Variants in EPS8 observed in about 807,000 individuals in gnomAD.
EPS8 encodes the protein EGFR pathway substrate 8, signaling adaptor.
Under a neutral mutation model 103.8 loss-of-function variants are expected in EPS8, and 42 were observed. The ratio of observed to expected loss-of-function variants is 0.40; its 90% confidence interval spans 0.32 to 0.52. The LOEUF is 0.52. EPS8 is among the 20% of genes least tolerant of loss of function. EPS8 has a pLI of 0.40. For missense variants in EPS8, 969 were observed against 1,005.1 expected, an observed-to-expected ratio of 0.96 and a Z score of 0.49; for synonymous variants, 344 against 344.6, an observed-to-expected ratio of 1.00 and a Z score of 0.02.
chr12:15,643,744 A>AGG (rs1945272546), intron 15 of EPS8, among the ~76,000 whole-genome samples: 1 of 146,784 alleles, frequency 6.8e-6, no homozygotes, highest in Non-Finnish European at 1.5e-5. Flanking sequence ...TGTCTCGAAA[A>AGG]AAAAAAAAAA....
Position 15,714,352 on chromosome 12 carries a change from T to C in EPS8, c.-21-31380A>G, listed in dbSNP as rs1398605465. On this transcript the variant is annotated intron_variant, in intron 1 of 20. Transcript: ENST00000281172. The surrounding 1 kb of genome is among the most constrained non-coding windows in gnomAD (Gnocchi z 4.1). ...ACCAAATTATATTTGAATAAAGATA[T>C]GGCACAGGCTGGGTACAGTGGCTCA... Among the ~76,000 whole-genome samples, 1 of 152,178 alleles carries C rather than the reference T, an allele frequency of 6.6e-6. No homozygotes were observed. The highest frequency in any genetic ancestry group is 1.5e-5 in the Non-Finnish European group (1 of 68,030).
chr12:15,728,425 ACTGGATCCCGACTCATGGAAGGGTCAT>A lies in EPS8; in HGVS notation c.-21-45480_-21-45454del, dbSNP rs1454001361. On this transcript the variant is annotated intron_variant, in intron 1 of 20. Coordinates refer to ENST00000281172, the MANE Select transcript of EPS8 (RefSeq NM_004447.6). The surrounding 1 kb of genome is among the most constrained non-coding windows in gnomAD (Gnocchi z 4.5). ...CTACAGCAGTGGCCCTTTTAAGAAC[ACTGGATCCCGACTCATGGAAGGGTCAT>A]CTGTTCCTCACTACAAAGAACCTTA... is the stretch of plus-strand genomic sequence containing the variant. Among the ~76,000 whole-genome samples, 2 of 152,194 alleles carry A rather than the reference ACTGGATCCCGACTCATGGAAGGGTCAT, an allele frequency of 1.3e-5. No homozygotes were observed. The highest frequency in any genetic ancestry group is 2.9e-5 in the Non-Finnish European group (2 of 68,036).
At chr12:15,681,148 C>T (rs1199547580) in intron 3 of EPS8, 78 bp downstream of exon 3, 2 of 611,840 alleles carry the variant, frequency 3.3e-6, no homozygotes, top group East Asian at 3.2e-5. Flanking sequence ...TGTGTGGGTT[C>T]AAACCATGAG....
rs1947024381 is a variant in EPS8 at position 15,759,994 on chromosome 12, GA to G, written c.-22+29166del. Among the ~76,000 whole-genome samples, 1 of 151,356 alleles carries G rather than the reference GA, an allele frequency of 6.6e-6. No homozygotes were observed. Among genetic ancestry groups the G allele is most frequent in the South Asian group, 2.1e-4 (1 of 4,824 alleles). On this transcript the variant is annotated intron_variant, in intron 1 of 20. Coordinates refer to ENST00000281172, the MANE Select transcript of EPS8 (RefSeq NM_004447.6). This position sits in a 1 kb window ranked among gnomAD's most constrained non-coding sequence, Gnocchi z 4.9. ...CAGAAATAAGAGAAATTAAAAAGAA[GA>G]AAATATAAAAAAAATCAATGAAACT...
intron 1 of EPS8, among the ~76,000 whole-genome samples, chr12:15,782,573 A>G (rs1947271047): frequency 6.6e-6 from 1 of 152,166 alleles, no homozygotes; most frequent in South Asian, 2.1e-4. Context: ...AAAAACATTA[A>G]GAAAAAAGTT....
At position 15,716,115 on chromosome 12, in the gene EPS8, G is replaced by A. The variant is rs934878943; in HGVS notation, c.-21-33143C>T. ...AACATTTCAAAGTATCACTAAACTT[G>A]AGAGCTGAAAGAAATCTGAGAGAGT... On this transcript the variant is annotated intron_variant, in intron 1 of 20. Transcript: ENST00000281172. The surrounding 1 kb of genome is among the most constrained non-coding windows in gnomAD (Gnocchi z 5.0). Among the ~76,000 whole-genome samples the A allele has an allele frequency of 6.6e-6, 1 of 152,110 alleles. No individual in the cohort carries two copies. The highest frequency in any genetic ancestry group is 1.5e-5 in the Non-Finnish European group (1 of 68,020).
At chr12:15,665,655 C>A in intron 8 of EPS8, 101 bp downstream of exon 8, 1 of 1,442,606 alleles carries the variant, frequency 6.9e-7, no homozygotes, top group South Asian at 1.2e-5. Flanking sequence ...AAAAACTAAC[C>A]TCAAGCTTCA....
At chr12:15,649,799 C>T (rs1395648552) in intron 14 of EPS8, among the ~76,000 whole-genome samples, 1 of 152,144 alleles carries the variant, frequency 6.6e-6, no homozygotes, top group Non-Finnish European at 1.5e-5. Flanking sequence ...AAAGCAGTCA[C>T]AGGATATAAT....
In EPS8 at chr12:15,717,984, C is replaced by CA. The variant is rs1565515958; in HGVS notation, c.-21-35013dup. On this transcript the variant is annotated intron_variant, in intron 1 of 20. Coordinates refer to ENST00000281172, the MANE Select transcript of EPS8 (RefSeq NM_004447.6). The surrounding 1 kb of genome is among the most constrained non-coding windows in gnomAD (Gnocchi z 4.3). Reference sequence around the variant, plus strand: ...TTTCAGTTAAAAAGACAGCAAGAAACAAAAAAATTGGTGGAAAAAGTGATT... The same window carrying CA: ...TTTCAGTTAAAAAGACAGCAAGAAACAAAAAAAATTGGTGGAAAAAGTGATT... Among the ~76,000 whole-genome samples, 1 of 152,024 alleles carries CA rather than the reference C, an allele frequency of 6.6e-6. No homozygotes were observed. Among genetic ancestry groups the CA allele is most frequent in the Non-Finnish European group, 1.5e-5 (1 of 67,974 alleles).
chr12:15,715,878 A>G (rs1011345437), intron 1 of EPS8, among the ~76,000 whole-genome samples: 2 of 151,878 alleles, frequency 1.3e-5, no homozygotes, highest in Non-Finnish European at 1.5e-5. Flanking sequence ...ACAGAAGGAC[A>G]TTAGGGAAAA....
At position 15,684,254 on chromosome 12, in the gene EPS8, G is replaced by C. The variant is rs918888915; in HGVS notation, c.-21-1282C>G. The C allele has an allele frequency of 1.3e-5, 2 of 152,130 alleles. No homozygotes were observed. The highest frequency in any genetic ancestry group is 4.8e-5 in the African/African-American group (2 of 41,412). The allele number at this position is 152,130 out of a possible 1,614,324, so 9.4% of individuals were successfully genotyped here. The stretch of plus-strand genomic sequence containing the variant: ...CGAGTTAATTCTGTCTCATTCTTCA[G>C]ATCTCAGTTCAATCACAATGTCCTC... On this transcript the variant is annotated intron_variant, in intron 1 of 20. Coordinates refer to ENST00000281172, the MANE Select transcript of EPS8 (RefSeq NM_004447.6). This position sits in a 1 kb window ranked among gnomAD's most constrained non-coding sequence, Gnocchi z 4.9.
intron 1 of EPS8, chr12:15,732,879 G>T: frequency 3.4e-6 from 1 of 294,578 alleles, no homozygotes; most frequent in Non-Finnish European, 5.0e-6. Context: ...CGGTCATTAT[G>T]CAAGGAACAG....
At position 15,740,528 on chromosome 12, in the gene EPS8, G is replaced by C. The variant is rs961345231; in HGVS notation, c.-22+48633C>G. On this transcript the variant is annotated intron_variant, in intron 1 of 20. Coordinates refer to ENST00000281172, the MANE Select transcript of EPS8 (RefSeq NM_004447.6). ...CCACTACACTCCAGCCTGGGCTACA[G>C]AGCAAGACTCCATCTAGAAAAAATA... Among the ~76,000 whole-genome samples, 4 of 151,760 alleles carry C rather than the reference G, an allele frequency of 2.6e-5. No homozygotes were observed. In the East Asian group the frequency reaches 7.7e-4, roughly 29 times the overall value.
chr12:15,778,906 A>G lies in EPS8; in HGVS notation c.-22+10255T>C, dbSNP rs909213134. Among the ~76,000 whole-genome samples the G allele has an allele frequency of 2.0e-5, 3 of 152,262 alleles. No homozygotes were observed. Among genetic ancestry groups the G allele is most frequent in the African/African-American group, 7.2e-5 (3 of 41,464 alleles). ...AATTTACCAAGTTACTCACAAAATTAATTTCAAGAAATCCAAGTCCCCAAA... is the reference window on the plus strand; with the variant it reads ...AATTTACCAAGTTACTCACAAAATTGATTTCAAGAAATCCAAGTCCCCAAA... On this transcript the variant is annotated intron_variant, in intron 1 of 20. Transcript: ENST00000281172. This position sits in a 1 kb window ranked among gnomAD's most constrained non-coding sequence, Gnocchi z 4.5.
In EPS8 at chr12:15,695,001, A is replaced by G. The variant is rs1286510927; in HGVS notation, c.-21-12029T>C. 6.6e-6 allele frequency among the ~76,000 whole-genome samples: 1 copy of G among 152,170 alleles called. No homozygotes were observed. The highest frequency in any genetic ancestry group is 1.5e-5 in the Non-Finnish European group (1 of 68,012). On this transcript the variant is annotated intron_variant, in intron 1 of 20. Transcript: ENST00000281172. The surrounding 1 kb of genome is among the most constrained non-coding windows in gnomAD (Gnocchi z 5.0). Reference sequence around the variant, plus strand: ...AATAATGCTCATTAAGTATTTTATTATGTCAGCCACTGTGCAAGCACTTTA... The same window carrying G: ...AATAATGCTCATTAAGTATTTTATTGTGTCAGCCACTGTGCAAGCACTTTA...
intron 12 of EPS8, chr12:15,654,513 A>G: frequency 1.8e-6 from 1 of 556,308 alleles, no homozygotes; most frequent in East Asian, 3.1e-5. Context: ...CAATTTAACA[A>G]CTTTCACAGC....
chr12:15,711,898 C>A (rs1946470377), intron 1 of EPS8, among the ~76,000 whole-genome samples: 1 of 152,136 alleles, frequency 6.6e-6, no homozygotes, highest in African/African-American at 2.4e-5. Flanking sequence ...CCACATTTCC[C>A]AAGACCAAAA....
At position 15,759,130 on chromosome 12, in the gene EPS8, T is replaced by G. The variant is rs910678906; in HGVS notation, c.-22+30031A>C. On this transcript the variant is annotated intron_variant, in intron 1 of 20. Transcript: ENST00000281172. The surrounding 1 kb of genome is among the most constrained non-coding windows in gnomAD (Gnocchi z 4.9). ...CAAAATTAGCTTATGTGTTAATATT[T>G]CATAATATGGTATTGTTATATCCCC... 1.3e-5 allele frequency among the ~76,000 whole-genome samples: 2 copies of G among 152,178 alleles called. No homozygotes were observed. Among genetic ancestry groups the G allele is most frequent in the Non-Finnish European group, 2.9e-5 (2 of 68,000 alleles).
intron 1 of EPS8, among the ~76,000 whole-genome samples, chr12:15,743,850 G>A (rs1412487990): frequency 6.6e-6 from 1 of 152,164 alleles, no homozygotes; most frequent in Non-Finnish European, 1.5e-5. Context: ...CATAGGCATG[G>A]GCAAGGACTT....
Sources: allele counts gnomAD v4.1 joint callset (sites outside exome capture counted in the v4.1 genomes callset), GRCh38; gene constraint gnomAD v4.1.1; non-coding constraint Gnocchi (gnomAD v3.1); transcripts MANE v1.5; gene names NCBI Gene and HGNC (gene_info 2026-07-23, HGNC 2026-07-21).